Variants in SH3BGRL2 observed in about 807,000 individuals in gnomAD.
SH3BGRL2 encodes SH3 domain-binding glutamic acid-rich-like protein 2.
In SH3BGRL2, 21 loss-of-function variants were observed where a neutral mutation model predicts 14.8. The ratio of observed to expected loss-of-function variants is 1.42; its 90% CI spans 1.01 to 2.05. The LOEUF is 2.05. Among genes scored for constraint, SH3BGRL2 ranks in the 30% most tolerant of loss-of-function variants. The probability of loss-of-function intolerance (pLI) is 0.00; values close to 1 mark genes in which losing one functional copy is unlikely to be tolerated. For missense variants in SH3BGRL2, 147 were observed against 130.8 expected (o/e 1.12, Z -0.61); for synonymous variants, 50 against 47.8 (o/e 1.05, Z -0.19).
chr6:79,658,760 CA>C (rs999841504), intron 1 of SH3BGRL2, among the ~76,000 whole-genome samples: 13 of 152,354 alleles, frequency 8.5e-5, no homozygotes, highest in African/African-American at 2.9e-4. Context: ...CTCCCACCAA[CA>C]GTGTAAAAGC....
chr6:79,687,308 T>C (rs1312919913), intron 2 of SH3BGRL2, among the ~76,000 whole-genome samples: 1 of 152,176 alleles, frequency 6.6e-6, no homozygotes, highest in Non-Finnish European at 1.5e-5. Context: ...TGGGTATTTC[T>C]TAAAATTTTA....
the SH3BGRL2 span, among the ~76,000 whole-genome samples, chr6:79,601,552 G>A: frequency 3.9e-5 from 6 of 152,272 alleles, no homozygotes; most frequent in South Asian, 1.0e-3. Context: ...GTAAAGTAAT[G>A]CTTCAGCAAT....
the SH3BGRL2 span, among the ~76,000 whole-genome samples, chr6:79,597,263 GGAAAGAAAGAGAGAGAGA>G: frequency 7.1e-6 from 1 of 141,638 alleles, no homozygotes; most frequent in African/African-American, 2.7e-5. Flanking sequence ...AAGAGGAAGA[GGAAAGAAAGAGAGAGAGA>G]GAAAGAAAGA....
At chr6:79,678,696 G>A (rs543321027) in intron 2 of SH3BGRL2, among the ~76,000 whole-genome samples, 1 of 152,214 alleles carries the variant, frequency 6.6e-6, no homozygotes, top group East Asian at 1.9e-4. Flanking sequence ...ACATGTGCAG[G>A]TGTATTACAT....
chr6:79,580,657 AT>A, the SH3BGRL2 span, among the ~76,000 whole-genome samples: 1 of 152,340 alleles, frequency 6.6e-6, no homozygotes, highest in South Asian at 2.1e-4. Context: ...GTAGAGGGAA[AT>A]TTATAGCACT....
At chr6:79,597,337 A>AAG in the SH3BGRL2 span, among the ~76,000 whole-genome samples, 34 of 150,812 alleles carry the variant, frequency 2.3e-4, no homozygotes, top group African/African-American at 6.6e-4. Flanking sequence ...AAGAAAAGAA[A>AAG]AAAGAAAAGA....
the SH3BGRL2 span, among the ~76,000 whole-genome samples, chr6:79,545,865 A>G: frequency 3.3e-5 from 5 of 152,226 alleles, no homozygotes; most frequent in African/African-American, 9.6e-5. Flanking sequence ...TTTTTAAACA[A>G]CAACAACAAA....
chr6:79,633,027 G>A (rs974379165), intron 1 of SH3BGRL2, among the ~76,000 whole-genome samples: 9 of 152,176 alleles, frequency 5.9e-5, no homozygotes, highest in African/African-American at 2.2e-4. Flanking sequence ...CCAAGTCAAG[G>A]TAATGACTTG....
chr6:79,693,148 GCT>G (rs1332648557), intron 2 of SH3BGRL2, among the ~76,000 whole-genome samples: 1 of 151,996 alleles, frequency 6.6e-6, no homozygotes. Flanking sequence ...TCATGATTTG[GCT>G]CTCTGTTTGT....
Position 79,631,437 on chromosome 6 carries a change from G to C in SH3BGRL2, c.-25G>C. Reference sequence around the variant, plus strand: ...CCAGCCCGGAGCCCGGGGGGCAAGGGGTCTGTCCCGGGCGCAGCGAGAGGA... The same window carrying C: ...CCAGCCCGGAGCCCGGGGGGCAAGGCGTCTGTCCCGGGCGCAGCGAGAGGA... On this transcript the variant is annotated 5_prime_UTR_variant, in exon 1 of 4. Coordinates refer to ENST00000369838, the MANE Select transcript of SH3BGRL2 (RefSeq NM_031469.4). The C allele has an allele frequency of 6.6e-7, 1 of 1,518,528 alleles. No homozygotes were observed. 94.1% of individuals were successfully genotyped at this position (1,518,528 alleles called of 1,614,324 possible).
At chr6:79,614,930 G>A in the SH3BGRL2 span, among the ~76,000 whole-genome samples, 1 of 152,174 alleles carries the variant, frequency 6.6e-6, no homozygotes, top group African/African-American at 2.4e-5. Flanking sequence ...AACAGAAAGA[G>A]CTGTGGAATT....
At chr6:79,646,633 A>G (rs1769150006) in intron 1 of SH3BGRL2, among the ~76,000 whole-genome samples, 1 of 152,210 alleles carries the variant, frequency 6.6e-6, no homozygotes, top group South Asian at 2.1e-4. Flanking sequence ...ACTATGTTGT[A>G]CAATAATCTA....
At position 79,702,568 on chromosome 6, in the gene SH3BGRL2, C is replaced by G. The variant is rs776703026; in HGVS notation, c.*3059C>G. The G allele has an allele frequency of 6.6e-6, 1 of 152,154 alleles. No individual in the cohort carries two copies. The highest frequency in any genetic ancestry group is 1.5e-5 in the Non-Finnish European group (1 of 68,028). 9.4% of individuals were successfully genotyped at this position (152,154 alleles called of 1,614,324 possible). On this transcript the variant is annotated 3_prime_UTR_variant, in exon 4 of 4. Transcript: ENST00000369838. The stretch of plus-strand genomic sequence containing the variant: ...TTTCACACCTCTCTTAATTTTAGTT[C>G]TGTTTAGTTGAGAGGCTGTGATTTT...
the SH3BGRL2 span, among the ~76,000 whole-genome samples, chr6:79,563,143 TA>T: frequency 6.9e-6 from 1 of 145,274 alleles, no homozygotes; most frequent in Non-Finnish European, 1.5e-5. Context: ...TTTTTTTTTG[TA>T]TTTTTTTTTT....
At chr6:79,609,506 T>A in the SH3BGRL2 span, among the ~76,000 whole-genome samples, 1 of 152,106 alleles carries the variant, frequency 6.6e-6, no homozygotes. Context: ...CTTTCTTTCG[T>A]TCCTCAGCTC....
At chr6:79,540,918 G>A in the SH3BGRL2 span, among the ~76,000 whole-genome samples, 1 of 152,102 alleles carries the variant, frequency 6.6e-6, no homozygotes, top group South Asian at 2.1e-4. Context: ...AGTTATTTTT[G>A]GAGTGATGTG....
intron 2 of SH3BGRL2, among the ~76,000 whole-genome samples, chr6:79,692,908 C>T (rs573731986): frequency 3.9e-5 from 6 of 152,230 alleles, no homozygotes; most frequent in African/African-American, 1.4e-4. Context: ...TCATTGGTAC[C>T]TTGATGGGGA....
upstream of SH3BGRL2, among the ~76,000 whole-genome samples, chr6:79,629,026 G>A (rs567903960): frequency 2.0e-5 from 3 of 152,284 alleles, no homozygotes; most frequent in Admixed American, 6.5e-5. Flanking sequence ...GGCTTTGTGG[G>A]CCATACGACC....
intron 1 of SH3BGRL2, among the ~76,000 whole-genome samples, chr6:79,642,954 A>G (rs1329306252): frequency 6.6e-6 from 1 of 152,190 alleles, no homozygotes; most frequent in Non-Finnish European, 1.5e-5. Flanking sequence ...TGGTAAAAGC[A>G]GTAAGGGGCT....
Sources: allele counts gnomAD v4.1 joint callset (sites outside exome capture counted in the v4.1 genomes callset), GRCh38; gene constraint gnomAD v4.1.1; transcripts MANE v1.5; gene names NCBI Gene and HGNC (gene_info 2026-07-23, HGNC 2026-07-21).